Variants in GABRG3 observed in about 807,000 individuals in gnomAD.
GABRG3 encodes the protein gamma-aminobutyric acid type A receptor subunit gamma3, also known as gamma-aminobutyric acid receptor subunit gamma-3.
In GABRG3, 25 loss-of-function variants were observed where a neutral mutation model predicts 48.8. The ratio of observed to expected loss-of-function variants is 0.51; its 90% CI spans 0.37 to 0.72. The LOEUF (loss-of-function observed/expected upper bound fraction) is 0.72, where lower values mean the gene tolerates loss of function less well. Among genes scored for constraint, GABRG3 ranks in the 30% least tolerant of loss-of-function variants. GABRG3 has a pLI of 0.00. For missense variants in GABRG3, 394 were observed against 577.9 expected (o/e 0.68, Z 3.26); for synonymous variants, 227 against 217.6 (o/e 1.04, Z -0.38).
At position 27,541,622 on chromosome 15, in the gene GABRG3, T is replaced by A. The variant is rs537157642; in HGVS notation, c.*8741T>A. ...GGGGGCCGCGCCCTGCCCCAGTGCG[T>A]GCGCCTCCTGCCCCAGCAGGGACCC... On this transcript the variant is annotated 3_prime_UTR_variant, in exon 10 of 10. Transcript: ENST00000615808. 5.3e-5 allele frequency: 8 copies of A among 152,348 alleles called. 1 individual carries two copies. The highest frequency in any genetic ancestry group is 1.9e-4 in the African/African-American group (8 of 41,554). 9.4% of individuals were successfully genotyped at this position (152,348 alleles called of 1,614,324 possible).
rs1203960919 is a variant in GABRG3 at position 27,305,352 on chromosome 15, TA to T, written c.271-21453del. On this transcript the variant is annotated intron_variant, in intron 3 of 9. Coordinates refer to ENST00000615808, the MANE Select transcript of GABRG3 (RefSeq NM_033223.5). ...AGTTTATAGGAAACTAAAACTCTAA[TA>T]AAAGATATTTGAAAAATAAAGAAAT... Among the ~76,000 whole-genome samples, 3 of 151,156 alleles carry T rather than the reference TA, an allele frequency of 2.0e-5. No individual in the cohort carries two copies. In the Admixed American group the frequency reaches 2.0e-4, roughly 10 times the overall value.
At chr15:27,360,678 G>A (rs1894991833) in intron 5 of GABRG3, among the ~76,000 whole-genome samples, 2 of 152,132 alleles carry the variant, frequency 1.3e-5, no homozygotes, top group Admixed American at 1.3e-4. Context: ...GCCTGCTCCT[G>A]CTCCCCTGCA....
chr15:27,526,008 CATAAGT>C (rs1566879607), intron 7 of GABRG3, among the ~76,000 whole-genome samples: 1 of 152,112 alleles, frequency 6.6e-6, no homozygotes, highest in African/African-American at 2.4e-5. Flanking sequence ...CTACATCTGA[CATAAGT>C]ATAGACTTTT....
intron 5 of GABRG3, among the ~76,000 whole-genome samples, chr15:27,418,144 G>C (rs912581495): frequency 6.6e-6 from 1 of 152,208 alleles, no homozygotes. Context: ...CCCTGCCTCA[G>C]ATGAATATGA....
chr15:27,016,499 TAA>T (rs1377668276), intron 2 of GABRG3, among the ~76,000 whole-genome samples: 1 of 152,186 alleles, frequency 6.6e-6, no homozygotes, highest in African/African-American at 2.4e-5. Context: ...TTGTACATGA[TAA>T]GTCACTTTTC....
At chr15:27,151,479 A>T (rs1336762345) in intron 3 of GABRG3, among the ~76,000 whole-genome samples, 2 of 151,964 alleles carry the variant, frequency 1.3e-5, no homozygotes, top group Non-Finnish European at 1.5e-5. Flanking sequence ...ATAAGAGCCT[A>T]CCTAAAGATG....
chr15:27,307,113 A>G (rs1892590937), intron 3 of GABRG3, among the ~76,000 whole-genome samples: 2 of 126,030 alleles, frequency 1.6e-5, no homozygotes, highest in South Asian at 2.3e-4. Context: ...ACATGTTTAT[A>G]TATAAACATA....
intron 3 of GABRG3, among the ~76,000 whole-genome samples, chr15:27,234,666 A>G (rs1262612073): frequency 1.3e-5 from 2 of 152,122 alleles, no homozygotes; most frequent in East Asian, 3.9e-4. Context: ...ATCACCTTTT[A>G]GTTACTAAGT....
rs114809978 is a variant in GABRG3, at chr15:27,359,417, T to C, written c.574+30529T>C. Among the ~76,000 whole-genome samples the C allele has an allele frequency of 2.3e-3, 343 of 152,368 alleles. 1 individual carries two copies. Among genetic ancestry groups the C allele is most frequent in the African/African-American group, 7.9e-3 (327 of 41,584 alleles). On this transcript the variant is annotated intron_variant, in intron 5 of 9. Coordinates refer to ENST00000615808, the MANE Select transcript of GABRG3 (RefSeq NM_033223.5). ...ATTCAGATTTTAGTATTTTCCACAA[T>C]GGTCTGTGACTAAAACTTAATTTAA...
chr15:26,991,490 C>A (rs2140647473), intron 2 of GABRG3, among the ~76,000 whole-genome samples: 1 of 152,136 alleles, frequency 6.6e-6, no homozygotes, highest in Non-Finnish European at 1.5e-5. Context: ...ATAGGGATTG[C>A]ATTCAATTTA....
chr15:27,247,445 C>T (rs867014455), intron 3 of GABRG3, among the ~76,000 whole-genome samples: 2 of 152,086 alleles, frequency 1.3e-5, no homozygotes, highest in African/African-American at 4.8e-5. Flanking sequence ...GTGGCTGCAG[C>T]CACACTGTCC....
In GABRG3 at chr15:27,536,119, G is replaced by A. The variant is rs1467795672; in HGVS notation, c.*3238G>A. The A allele has an allele frequency of 6.6e-6, 1 of 152,202 alleles. No individual in the cohort carries two copies. The highest frequency in any genetic ancestry group is 1.5e-5 in the Non-Finnish European group (1 of 68,048). The allele number at this position is 152,202 out of a possible 1,614,324, so 9.4% of individuals were successfully genotyped here. A position where few individuals can be genotyped will look rare whatever the true frequency, so the allele number is the denominator to read the frequency against. ...GGAATCCAAATTTCTGACCACTGTGGATCACACTTAAAACTGTGACTGTCT... is the reference window on the plus strand; with the variant it reads ...GGAATCCAAATTTCTGACCACTGTGAATCACACTTAAAACTGTGACTGTCT... On this transcript the variant is annotated 3_prime_UTR_variant, in exon 10 of 10. Transcript: ENST00000615808.
chr15:27,030,267 A>G lies in GABRG3; in HGVS notation c.270+3446A>G, dbSNP rs145268571. ...TTAACAATCAATGAAACAGGGAACA[A>G]TGACTATTTCACTTTCTCCTTCCTC... On this transcript the variant is annotated intron_variant, in intron 3 of 9. Coordinates refer to ENST00000615808, the MANE Select transcript of GABRG3 (RefSeq NM_033223.5). 2.7e-3 allele frequency among the ~76,000 whole-genome samples: 415 copies of G among 152,294 alleles called. 3 individuals carry two copies. Among genetic ancestry groups the G allele is most frequent in the African/African-American group, 9.7e-3 (404 of 41,562 alleles).
At chr15:27,001,589 T>C (rs1273716405) in intron 2 of GABRG3, among the ~76,000 whole-genome samples, 1 of 152,212 alleles carries the variant, frequency 6.6e-6, no homozygotes, top group Non-Finnish European at 1.5e-5. Flanking sequence ...TTACTTGCTT[T>C]AGCTATGGTT....
rs990581804 is a variant in GABRG3 at position 27,086,122 on chromosome 15, T to G, written c.270+59301T>G. On this transcript the variant is annotated intron_variant, in intron 3 of 9. Transcript: ENST00000615808. ...ACCTTTTGGAGTTTTGGCAGTTTTTTTTTTTTTTTTTCTTGTAAAGGACAT... is the reference window on the plus strand; with the variant it reads ...ACCTTTTGGAGTTTTGGCAGTTTTTGTTTTTTTTTTTCTTGTAAAGGACAT... Among the ~76,000 whole-genome samples, 45 of 152,128 alleles carry G rather than the reference T, an allele frequency of 3.0e-4. 1 individual carries two copies. The highest frequency in any genetic ancestry group is 9.4e-4 in the African/African-American group (39 of 41,530).
chr15:27,318,496 A>G (rs571069223), intron 3 of GABRG3, among the ~76,000 whole-genome samples: 3 of 152,240 alleles, frequency 2.0e-5, no homozygotes, highest in South Asian at 2.1e-4. Flanking sequence ...TGAATCAGTA[A>G]GGGGAGGCCT....
intron 3 of GABRG3, among the ~76,000 whole-genome samples, chr15:27,197,632 AAAAG>A (rs1888538018): frequency 6.6e-6 from 1 of 152,130 alleles, no homozygotes; most frequent in Non-Finnish European, 1.5e-5. Context: ...AAACTGTCTC[AAAAG>A]AAAGAATTAA....
intron 3 of GABRG3, among the ~76,000 whole-genome samples, chr15:27,250,980 T>C (rs1890435955): frequency 6.6e-6 from 1 of 152,172 alleles, no homozygotes; most frequent in Non-Finnish European, 1.5e-5. Context: ...CTTTACAAAC[T>C]GCTCGCCATC....
chr15:27,350,945 A>G (rs1029856704), intron 5 of GABRG3, among the ~76,000 whole-genome samples: 2 of 147,534 alleles, frequency 1.4e-5, no homozygotes, highest in African/African-American at 5.0e-5. Flanking sequence ...TCGTGTGTGT[A>G]TGCTGTGTGT....
Sources: gnomAD v4.1 joint callset for allele counts (sites outside exome capture counted in the v4.1 genomes callset) on GRCh38, gnomAD v4.1.1 for gene constraint, MANE v1.5 for transcripts, NCBI Gene and HGNC (gene_info 2026-07-23, HGNC 2026-07-21) for gene names.